The following SEC31A variants were observed in gnomAD, a reference collection of about 807,000 sequenced individuals.
The protein encoded by SEC31A is SEC31 homolog A, COPII component, also known as protein transport protein Sec31A.
SEC31A carries 70 observed loss-of-function variants against 151.0 expected under a neutral mutation model. The ratio of observed to expected loss-of-function variants is 0.46; its 90% CI spans 0.38 to 0.57. The LOEUF (loss-of-function observed/expected upper bound fraction) is 0.57. Ranked by LOEUF, SEC31A falls within the 20% of genes least tolerant of loss-of-function variation. The pLI, the probability that SEC31A is intolerant of heterozygous loss-of-function variation, is 0.00. For missense variants in SEC31A, 1,330 were observed against 1,471.2 expected, an observed-to-expected ratio of 0.90 and a Z score of 1.57; for synonymous variants, 475 against 505.9, an observed-to-expected ratio of 0.94 and a Z score of 0.82.
chr4:82,880,866 A>G lies in SEC31A; in HGVS notation c.136T>C (p.Phe46Leu), dbSNP rs1420845263. The G allele has an allele frequency of 1.2e-6, 2 of 1,612,176 alleles. No homozygotes were observed. The highest frequency in any genetic ancestry group is 1.7e-6 in the Non-Finnish European group (2 of 1,178,450). Residue 46 changes from phenylalanine to leucine, a missense_variant, in exon 3 of 27, where the codon TTT becomes CTT. By Grantham distance (22) the Phe-to-Leu change is conservative (BLOSUM62 0). Coordinates refer to ENST00000395310, the MANE Select transcript of SEC31A (RefSeq NM_001077207.4). ...GATGGATCAGAGAGGTCTAATTCAA[A>G]TATCTCAAGGGAAGCATTCGTACTA... Reference protein sequence around the residue: ...TFSTNASLEIFELDLSDPSLD... With the variant: ...TFSTNASLEILELDLSDPSLD...
intron 18 of SEC31A, 92 bp from the exon 19 acceptor site, chr4:82,851,696 C>T (rs1578230111): frequency 3.6e-6 from 4 of 1,123,450 alleles, no homozygotes; most frequent in Non-Finnish European, 5.0e-6. Context: ...ATTTCTAAAA[C>T]CCACTAAAAA....
At chr4:82,883,887 G>A (rs1739962377) in intron 1 of SEC31A, among the ~76,000 whole-genome samples, 1 of 150,774 alleles carries the variant, frequency 6.6e-6, no homozygotes, top group Non-Finnish European at 1.5e-5. Flanking sequence ...TATAAATGAT[G>A]TATAACATCT....
chr4:82,869,166 C>T (rs546043539), intron 8 of SEC31A, among the ~76,000 whole-genome samples: 1 of 152,192 alleles, frequency 6.6e-6, no homozygotes, highest in African/African-American at 2.4e-5. Context: ...GTCACCCAGG[C>T]TGGAGTGCAG....
intron 1 of SEC31A, among the ~76,000 whole-genome samples, chr4:82,890,198 T>C (rs1741985711): frequency 1.4e-5 from 1 of 69,098 alleles, no homozygotes; most frequent in Non-Finnish European, 2.5e-5. Flanking sequence ...CGAGACTCCG[T>C]CTCAAAAAAA....
At chr4:82,859,551 G>A (rs1027825724) in intron 14 of SEC31A, among the ~76,000 whole-genome samples, 3 of 152,170 alleles carry the variant, frequency 2.0e-5, no homozygotes, top group African/African-American at 7.2e-5. Flanking sequence ...AAGTTCAGTG[G>A]CATTTTAGAA....
At chr4:82,842,736 C>G (rs1470675879) in intron 21 of SEC31A, 1 of 392,616 alleles carries the variant, frequency 2.5e-6, no homozygotes, top group Admixed American at 4.1e-5. Flanking sequence ...TCATCAGACC[C>G]AAGAACTGCA....
intron 14 of SEC31A, among the ~76,000 whole-genome samples, chr4:82,860,570 G>C (rs367683931): frequency 1.3e-5 from 2 of 152,070 alleles, no homozygotes; most frequent in East Asian, 1.9e-4. Flanking sequence ...CGAACTCTTG[G>C]GCTTAAGTGA....
chr4:82,845,612 G>T (rs1729913295), intron 20 of SEC31A, among the ~76,000 whole-genome samples: 1 of 151,554 alleles, frequency 6.6e-6, no homozygotes, highest in South Asian at 2.1e-4. Flanking sequence ...GTGAGGCTTT[G>T]TAAGTAGAGA....
intron 25 of SEC31A, among the ~76,000 whole-genome samples, chr4:82,823,891 T>A (rs1560579154): frequency 6.6e-6 from 1 of 152,224 alleles, no homozygotes; most frequent in Non-Finnish European, 1.5e-5. Context: ...AGAGGCAGTA[T>A]AGCTTGGTGG....
At chr4:82,878,166 A>G (rs1413064270) in intron 4 of SEC31A, 1 of 152,622 alleles carries the variant, frequency 6.6e-6, no homozygotes, top group African/African-American at 2.4e-5. Context: ...ATGTTTATAA[A>G]ATGTCTAATC....
chr4:82,881,034 A>T (rs1739168632), intron 2 of SEC31A, 112 bp from the exon 3 acceptor site: 1 of 858,930 alleles, frequency 1.2e-6, no homozygotes, highest in Non-Finnish European at 1.8e-6. Flanking sequence ...TGAATGCTGC[A>T]CATATGCCAT....
In SEC31A at chr4:82,855,137, A is replaced by C. The variant is rs1578244241; in HGVS notation, c.1882-108T>G. On this transcript the variant is annotated intron_variant, in intron 16 of 26. Coordinates refer to ENST00000395310, the MANE Select transcript of SEC31A (RefSeq NM_001077207.4). Reference sequence around the variant, plus strand: ...TATTTCATGCCAAATGCAGCAGCAAAATGAAGTATAATTTTGAATCAAATG... The same window carrying C: ...TATTTCATGCCAAATGCAGCAGCAACATGAAGTATAATTTTGAATCAAATG... 3 of 920,376 alleles carry C rather than the reference A, an allele frequency of 3.3e-6. No individual in the cohort carries two copies. The East Asian group carries it at 8.8e-5, about 27-fold the overall frequency. 57.0% of individuals were successfully genotyped at this position (920,376 alleles called of 1,614,324 possible). A position where few individuals can be genotyped will look rare whatever the true frequency, so the allele number is the denominator to read the frequency against.
In SEC31A at chr4:82,864,413, T is replaced by A; in HGVS notation, c.1383A>T (p.Lys461Asn). Residue 461 changes from lysine to asparagine, a missense_variant, in exon 11 of 27, where the codon AAA becomes AAT. Coordinates refer to ENST00000395310, the MANE Select transcript of SEC31A (RefSeq NM_001077207.4). Reference protein sequence around the residue: ...SQGFINYCQKKIDASQTEFEK... With the variant: ...SQGFINYCQKNIDASQTEFEK... ...CAAATTCAGTCTGAGAAGCATCAATTTTTTTTTGGCAATAATTGATAAATC... is the reference window on the plus strand; with the variant it reads ...CAAATTCAGTCTGAGAAGCATCAATATTTTTTTGGCAATAATTGATAAATC... 6.2e-7 allele frequency: 1 copy of A among 1,613,968 alleles called. No individual in the cohort carries two copies. The highest frequency in any genetic ancestry group is 8.5e-7 in the Non-Finnish European group (1 of 1,179,912).
intron 3 of SEC31A, chr4:82,899,597 TG>T (rs1720220274): frequency 6.6e-6 from 1 of 152,626 alleles, no homozygotes; most frequent in South Asian, 2.1e-4. Flanking sequence ...CAAAGTTCCT[TG>T]ACCATCTATC....
rs56888042 is a variant in SEC31A at position 82,837,199 on chromosome 4, A to ATATATATATATATATAT, written c.2968+4940_2968+4941insATATATATATATATATA. On this transcript the variant is annotated intron_variant, in intron 22 of 26. Coordinates refer to ENST00000395310, the MANE Select transcript of SEC31A (RefSeq NM_001077207.4). ...TATATATATATATATATATATATATAATTTCACCACAATAAAAACTTTAAT... is the reference window on the plus strand; with the variant it reads ...TATATATATATATATATATATATATATATATATATATATATATATTTCACCACAATAAAAACTTTAAT... 1.4e-4 allele frequency among the ~76,000 whole-genome samples: 12 copies of ATATATATATATATATAT among 83,136 alleles called. 1 individual carries two copies. Among genetic ancestry groups the ATATATATATATATATAT allele is most frequent in the Non-Finnish European group, 1.9e-4 (8 of 41,044 alleles). 54.5% of individuals were successfully genotyped at this position (83,136 alleles called of 152,430 possible). A position where few individuals can be genotyped will look rare whatever the true frequency, so the allele number is the denominator to read the frequency against.
chr4:82,855,998 A>T (rs1011494057), intron 16 of SEC31A, among the ~76,000 whole-genome samples: 1 of 152,200 alleles, frequency 6.6e-6, no homozygotes, highest in African/African-American at 2.4e-5. Context: ...AATAATCAGA[A>T]ATTTGTACAA....
chr4:82,861,719 C>T lies in SEC31A; in HGVS notation c.1549-11G>A, dbSNP rs1405879414. On this transcript the variant is annotated splice_polypyrimidine_tract_variant and intron_variant, in intron 13 of 26. Coordinates refer to ENST00000395310, the MANE Select transcript of SEC31A (RefSeq NM_001077207.4). Reference sequence around the variant, plus strand: ...AGAGTCTTTAAGAGCCTTTGGTACACAAAACAATTACAGGGGAAGGTGAAG... The same window carrying T: ...AGAGTCTTTAAGAGCCTTTGGTACATAAAACAATTACAGGGGAAGGTGAAG... 1.3e-6 allele frequency: 2 copies of T among 1,586,774 alleles called. No homozygotes were observed. The highest frequency in any genetic ancestry group is 1.1e-5 in the South Asian group (1 of 88,690).
At chr4:82,875,438 C>T (rs1006349999) in intron 5 of SEC31A, among the ~76,000 whole-genome samples, 1 of 152,188 alleles carries the variant, frequency 6.6e-6, no homozygotes, top group African/African-American at 2.4e-5. Context: ...TATACTATAT[C>T]TAAGACAATT....
At chr4:82,858,151 G>A (rs1733118084) in intron 14 of SEC31A, among the ~76,000 whole-genome samples, 1 of 151,876 alleles carries the variant, frequency 6.6e-6, no homozygotes, top group Admixed American at 6.6e-5. Context: ...GGTGGTGCGT[G>A]CCTGTAATCC....
Sources: allele counts gnomAD v4.1 joint callset (sites outside exome capture counted in the v4.1 genomes callset), GRCh38; gene constraint gnomAD v4.1.1; transcripts MANE v1.5; gene names NCBI Gene and HGNC (gene_info 2026-07-23, HGNC 2026-07-21).